CELF4: variants seen among roughly 807,000 people sequenced by gnomAD.
The protein encoded by CELF4 is CUG-BP- and ETR-3-like factor 4.
A neutral mutation model predicts 59.9 loss-of-function variants in CELF4; 18 were observed. The ratio of observed to expected loss-of-function variants is 0.30; its 90% CI spans 0.21 to 0.45. CELF4 has a LOEUF of 0.45. Ranked by LOEUF, CELF4 falls within the 20% of genes least tolerant of loss-of-function variation. The pLI is 1.00. For synonymous variants in CELF4, 261 were observed against 267.1 expected (o/e 0.98, Z 0.22); for missense variants, 456 against 689.0 (o/e 0.66, Z 3.79).
chr18:37,471,602 A>G (rs1367445808), intron 2 of CELF4, among the ~76,000 whole-genome samples: 2 of 152,060 alleles, frequency 1.3e-5, no homozygotes, highest in Non-Finnish European at 1.5e-5. Context: ...CTCAGTGAGC[A>G]GTCCTGCCTG....
At chr18:37,350,205 C>T (rs767412776) in intron 2 of CELF4, among the ~76,000 whole-genome samples, 3 of 152,134 alleles carry the variant, frequency 2.0e-5, no homozygotes, top group Non-Finnish European at 4.4e-5. Flanking sequence ...CTGACAAATG[C>T]AGACACTTTA....
intron 2 of CELF4, among the ~76,000 whole-genome samples, chr18:37,435,690 C>T (rs923815691): frequency 2.0e-5 from 3 of 152,178 alleles, no homozygotes; most frequent in Admixed American, 6.5e-5. Context: ...CACGTCCCAA[C>T]AAGGCACTGG....
chr18:37,506,586 G>A (rs577360988), intron 1 of CELF4, among the ~76,000 whole-genome samples: 28 of 152,280 alleles, frequency 1.8e-4, no homozygotes, highest in South Asian at 1.5e-3. Flanking sequence ...GGTCTCCTGC[G>A]GTCACATGGG....
chr18:37,470,881 T>TGACA (rs1569569555), intron 2 of CELF4, among the ~76,000 whole-genome samples: 4 of 80,884 alleles, frequency 4.9e-5, no homozygotes, highest in Non-Finnish European at 7.7e-5. Context: ...TGTGTGTGTG[T>TGACA]GTGTGTGACA....
intron 2 of CELF4, among the ~76,000 whole-genome samples, chr18:37,446,602 C>T (rs2099748864): frequency 6.6e-6 from 1 of 152,196 alleles, no homozygotes; most frequent in Non-Finnish European, 1.5e-5. Flanking sequence ...GCACTGGACA[C>T]AGTTTCTGGC....
At chr18:37,500,062 G>A (rs1424545908) in intron 1 of CELF4, among the ~76,000 whole-genome samples, 1 of 152,222 alleles carries the variant, frequency 6.6e-6, no homozygotes, top group Non-Finnish European at 1.5e-5. Context: ...GGCAAAGGGA[G>A]AGCAAGCCAG....
chr18:37,497,424 C>T (rs773080120), intron 1 of CELF4, among the ~76,000 whole-genome samples: 4 of 152,154 alleles, frequency 2.6e-5, no homozygotes, highest in Non-Finnish European at 4.4e-5. Flanking sequence ...GAGGCCAAGG[C>T]GGGCAGATCA....
chr18:37,435,366 C>T (rs1433282728), intron 2 of CELF4, among the ~76,000 whole-genome samples: 3 of 152,092 alleles, frequency 2.0e-5, no homozygotes, highest in African/African-American at 7.2e-5. Context: ...TGTGTGTGCA[C>T]GTGTGTCTTG....
At chr18:37,365,968 AC>A (rs1276933989) in intron 2 of CELF4, among the ~76,000 whole-genome samples, 8 of 152,346 alleles carry the variant, frequency 5.3e-5, no homozygotes, top group Non-Finnish European at 1.0e-4. Flanking sequence ...CTTTGTGTGA[AC>A]ATGACCTGGA....
intron 2 of CELF4, among the ~76,000 whole-genome samples, chr18:37,392,479 GA>G (rs1408560704): frequency 6.6e-6 from 1 of 152,206 alleles, no homozygotes; most frequent in African/African-American, 2.4e-5. Flanking sequence ...GGATGAACTA[GA>G]AACCCAGAGC....
chr18:37,300,761 G>A (rs978583929), intron 3 of CELF4, among the ~76,000 whole-genome samples: 2 of 152,260 alleles, frequency 1.3e-5, no homozygotes, highest in African/African-American at 4.8e-5. Context: ...AGCAGATGGA[G>A]GAGCTGGGGC....
intron 2 of CELF4, chr18:37,473,958 C>G (rs2099841513): frequency 6.6e-6 from 1 of 152,188 alleles, no homozygotes. Context: ...TTAGATGTCT[C>G]CTGGAGAGGG....
At chr18:37,561,375 C>T (rs946400180) in intron 1 of CELF4, among the ~76,000 whole-genome samples, 5 of 152,176 alleles carry the variant, frequency 3.3e-5, no homozygotes, top group Non-Finnish European at 7.3e-5. Flanking sequence ...GCTGTTTAAA[C>T]CTTTGGGGAC....
chr18:37,296,730 C>T (rs561424931), intron 3 of CELF4, among the ~76,000 whole-genome samples: 2 of 152,286 alleles, frequency 1.3e-5, no homozygotes, highest in Admixed American at 6.5e-5. Flanking sequence ...GCCTGTTGCT[C>T]CAGCCCACAC....
chr18:37,547,529 C>T (rs1168384050), intron 1 of CELF4, among the ~76,000 whole-genome samples: 1 of 152,222 alleles, frequency 6.6e-6, no homozygotes, highest in Non-Finnish European at 1.5e-5. Context: ...CAAAATTTCT[C>T]CAGGTCCTGC....
At chr18:37,351,908 C>T (rs1040160072) in intron 2 of CELF4, among the ~76,000 whole-genome samples, 8 of 152,046 alleles carry the variant, frequency 5.3e-5, no homozygotes, top group Non-Finnish European at 1.0e-4. Context: ...GAGCCACCAC[C>T]GAACCTGGCC....
intron 2 of CELF4, among the ~76,000 whole-genome samples, chr18:37,397,745 G>A (rs988917384): frequency 6.6e-6 from 1 of 152,238 alleles, no homozygotes; most frequent in African/African-American, 2.4e-5. Context: ...AGCTTGTGAG[G>A]TGGGTATGTT....
At chr18:37,367,802 C>T in intron 2 of CELF4, among the ~76,000 whole-genome samples, 1 of 151,998 alleles carries the variant, frequency 6.6e-6, no homozygotes, top group Non-Finnish European at 1.5e-5. Context: ...ACTGTCAGCT[C>T]CGTGGCGCCG....
chr18:37,436,585 G>A (rs1364004835), intron 2 of CELF4, among the ~76,000 whole-genome samples: 2 of 152,224 alleles, frequency 1.3e-5, no homozygotes, highest in Non-Finnish European at 2.9e-5. Context: ...AGGGGGACAG[G>A]TGGCCCCAGC....
Sources: allele counts gnomAD v4.1 joint callset (sites outside exome capture counted in the v4.1 genomes callset), GRCh38; gene constraint gnomAD v4.1.1; transcripts MANE v1.5; gene names NCBI Gene and HGNC (gene_info 2026-07-23, HGNC 2026-07-21).